ERP44: variants seen among roughly 807,000 people sequenced by gnomAD.
ERP44 encodes endoplasmic reticulum protein 44.
A neutral mutation model predicts 53.4 loss-of-function variants in ERP44; 25 were observed. The ratio of observed to expected loss-of-function variants is 0.47; its 90% confidence interval spans 0.34 to 0.65. The LOEUF (loss-of-function observed/expected upper bound fraction) is 0.65. Among genes scored for constraint, ERP44 ranks in the 30% least tolerant of loss-of-function variants. ERP44 has a pLI of 0.01. For missense variants in ERP44, 338 were observed against 493.2 expected, an observed-to-expected ratio of 0.69 and a Z score of 2.98; for synonymous variants, 145 against 161.2, an observed-to-expected ratio of 0.90 and a Z score of 0.76.
At chr9:99,992,652 G>A (rs1000798213) in intron 10 of ERP44, among the ~76,000 whole-genome samples, 1 of 152,166 alleles carries the variant, frequency 6.6e-6, no homozygotes, top group Non-Finnish European at 1.5e-5. Flanking sequence ...ACATAGTGTT[G>A]GAAGTTCTGG....
chr9:99,999,011 T>G (rs1433492007), intron 10 of ERP44: 1 of 1,078,584 alleles, frequency 9.3e-7, no homozygotes, highest in East Asian at 2.4e-5. Flanking sequence ...TAGTCGTGCG[T>G]GGGCAGCGGG....
intron 4 of ERP44, among the ~76,000 whole-genome samples, chr9:100,048,590 T>C (rs965998316): frequency 6.6e-6 from 1 of 152,212 alleles, no homozygotes; most frequent in African/African-American, 2.4e-5. Flanking sequence ...CATAGCACCA[T>C]TATTCACAAT....
intron 1 of ERP44, among the ~76,000 whole-genome samples, chr9:100,073,825 A>T (rs1255040445): frequency 1.3e-5 from 2 of 152,220 alleles, no homozygotes; most frequent in Admixed American, 6.5e-5. Context: ...CCACAGCAAG[A>T]AATACACTTT....
intron 8 of ERP44, among the ~76,000 whole-genome samples, chr9:100,008,980 C>T (rs776724786): frequency 5.3e-5 from 8 of 152,028 alleles, no homozygotes; most frequent in Non-Finnish European, 1.2e-4. Flanking sequence ...TGGGCTCAAG[C>T]AATCTGCCTG....
intron 8 of ERP44, among the ~76,000 whole-genome samples, chr9:100,013,157 G>A (rs1009636589): frequency 2.0e-5 from 3 of 152,150 alleles, no homozygotes; most frequent in African/African-American, 7.2e-5. Context: ...GAATCTTGGA[G>A]AATTCACATA....
At chr9:100,008,709 C>A (rs1490788748) in intron 8 of ERP44, among the ~76,000 whole-genome samples, 1 of 152,100 alleles carries the variant, frequency 6.6e-6, no homozygotes, top group Non-Finnish European at 1.5e-5. Context: ...AATTATTAAG[C>A]CTCTTGTTAC....
intron 4 of ERP44, among the ~76,000 whole-genome samples, chr9:100,026,625 A>C (rs1359982046): frequency 6.6e-6 from 1 of 152,182 alleles, no homozygotes; most frequent in Admixed American, 6.5e-5. Context: ...GCAAAAAATC[A>C]GTAATAATAA....
chr9:100,022,758 G>A (rs1198364079), intron 4 of ERP44, among the ~76,000 whole-genome samples: 2 of 152,102 alleles, frequency 1.3e-5, no homozygotes, highest in Non-Finnish European at 2.9e-5. Context: ...TTTAGTCAAG[G>A]TTGTACTTTA....
intron 1 of ERP44, among the ~76,000 whole-genome samples, chr9:100,061,121 G>C (rs1455334958): frequency 1.3e-5 from 2 of 152,134 alleles, no homozygotes; most frequent in Admixed American, 1.3e-4. Flanking sequence ...AATGATGCTA[G>C]TATATACATA....
At chr9:100,034,833 G>A (rs1825831719) in intron 4 of ERP44, among the ~76,000 whole-genome samples, 1 of 152,094 alleles carries the variant, frequency 6.6e-6, no homozygotes, top group African/African-American at 2.4e-5. Flanking sequence ...TATACTACAA[G>A]GCTATGATAA....
intron 4 of ERP44, among the ~76,000 whole-genome samples, chr9:100,026,876 CAT>C (rs528124767): frequency 8.6e-4 from 131 of 152,238 alleles, no homozygotes; most frequent in African/African-American, 2.8e-3. Context: ...TAATACAAAA[CAT>C]ATATTTTCCA....
chr9:100,081,108 T>C (rs944250555), intron 1 of ERP44, among the ~76,000 whole-genome samples: 2 of 152,002 alleles, frequency 1.3e-5, no homozygotes, highest in African/African-American at 4.8e-5. Context: ...TTATAAAAGG[T>C]TTAACTGATC....
chr9:100,088,494 T>C (rs1359424838), intron 1 of ERP44, among the ~76,000 whole-genome samples: 2 of 152,338 alleles, frequency 1.3e-5, no homozygotes. Flanking sequence ...ACTCCCCTAA[T>C]ACACTCCTGA....
At chr9:100,022,974 A>C (rs1830610469) in intron 4 of ERP44, among the ~76,000 whole-genome samples, 1 of 152,194 alleles carries the variant, frequency 6.6e-6, no homozygotes. Context: ...CAGAAGACAA[A>C]TATGAATAAA....
intron 4 of ERP44, among the ~76,000 whole-genome samples, chr9:100,047,759 A>G (rs954783679): frequency 3.9e-5 from 6 of 152,186 alleles, no homozygotes; most frequent in African/African-American, 1.2e-4. Context: ...AAAAATTTCT[A>G]TGACTCAAAG....
chr9:100,027,913 A>C (rs1226324368), intron 4 of ERP44, among the ~76,000 whole-genome samples: 1 of 152,076 alleles, frequency 6.6e-6, no homozygotes, highest in Non-Finnish European at 1.5e-5. Context: ...AAACAAAAAA[A>C]CCCCAAAAAG....
chr9:100,020,102 C>T (rs1029713197), intron 6 of ERP44, among the ~76,000 whole-genome samples: 1 of 152,184 alleles, frequency 6.6e-6, no homozygotes, highest in Non-Finnish European at 1.5e-5. Flanking sequence ...GCAGGAACAA[C>T]TGATGGATCA....
At chr9:99,991,156 CCAAGCTGACCTAAT>C (rs1285683278) in intron 10 of ERP44, among the ~76,000 whole-genome samples, 5 of 152,168 alleles carry the variant, frequency 3.3e-5, no homozygotes, top group African/African-American at 9.7e-5. Context: ...CAGCTCCACA[CCAAGCTGACCTAAT>C]AGACATCTAC....
At chr9:100,012,797 C>G (rs1243926803) in intron 8 of ERP44, among the ~76,000 whole-genome samples, 3 of 152,170 alleles carry the variant, frequency 2.0e-5, no homozygotes, top group African/African-American at 7.2e-5. Context: ...TTCTCTATTT[C>G]TCCCAGGAAG....
Sources: allele counts gnomAD v4.1 joint callset (sites outside exome capture counted in the v4.1 genomes callset), GRCh38; gene constraint gnomAD v4.1.1; transcripts MANE v1.5; gene names NCBI Gene and HGNC (gene_info 2026-07-23, HGNC 2026-07-21).